The following WDR19 variants were observed in gnomAD, a reference collection of about 807,000 sequenced individuals.
WDR19 encodes WD repeat domain 19, also known as WD repeat-containing protein 19.
A neutral mutation model predicts 180.0 loss-of-function variants in WDR19; 121 were observed. The ratio of observed to expected loss-of-function variants is 0.67; its 90% CI spans 0.58 to 0.78. WDR19 has a LOEUF of 0.78. WDR19 is among the 30% of genes least tolerant of loss of function. The pLI, the probability that WDR19 is intolerant of heterozygous loss-of-function variation, is 0.00. For synonymous variants in WDR19, 497 were observed against 540.7 expected, an observed-to-expected ratio of 0.92 and a Z score of 1.12; for missense variants, 1,450 against 1,640.7, an observed-to-expected ratio of 0.88 and a Z score of 2.01.
chr4:39,262,577 C>T lies in WDR19; in HGVS notation c.3184-3486C>T, dbSNP rs780740904. On this transcript the variant is annotated intron_variant, in intron 28 of 36. Transcript: ENST00000399820. ...CTTTTATTTGAATAGTTCAGGGCTC[C>T]GCTTCCTTCGTTCCTTCACTCTTGC... Among the ~76,000 whole-genome samples, 118 of 152,108 alleles carry T rather than the reference C, an allele frequency of 7.8e-4. 1 individual carries two copies. Among genetic ancestry groups the T allele is most frequent in the Middle Eastern group, 3.4e-3 (1 of 292 alleles).
At chr4:39,217,110 G>A in intron 12 of WDR19, 24 bp from the exon 13 acceptor site, 1 of 1,532,314 alleles carries the variant, frequency 6.5e-7, no homozygotes. Flanking sequence ...ATTTTAATGT[G>A]TTGGTTTTTA....
chr4:39,280,086 A>G (rs1200998736), intron 36 of WDR19, among the ~76,000 whole-genome samples: 2 of 134,134 alleles, frequency 1.5e-5, no homozygotes, highest in Non-Finnish European at 3.3e-5. Flanking sequence ...ATGATTTGGA[A>G]GTATTTTTTT....
intron 26 of WDR19, among the ~76,000 whole-genome samples, chr4:39,254,455 T>C (rs1015300889): frequency 6.6e-6 from 1 of 152,176 alleles, no homozygotes; most frequent in African/African-American, 2.4e-5. Flanking sequence ...ATACACAAGA[T>C]GTGTTTTTCA....
intron 27 of WDR19, among the ~76,000 whole-genome samples, chr4:39,256,257 T>G (rs1733751452): frequency 6.6e-6 from 1 of 152,252 alleles, no homozygotes; most frequent in African/African-American, 2.4e-5. Context: ...GTTTTTAGTT[T>G]GTCCGCCTTT....
At chr4:39,280,119 GTTTTTTTT>G (rs551041321) in intron 36 of WDR19, among the ~76,000 whole-genome samples, 4 of 53,974 alleles carry the variant, frequency 7.4e-5, no homozygotes, top group Non-Finnish European at 1.1e-4. Context: ...CCCTTTTCTT[GTTTTTTTT>G]TTTTTTTTTT....
intron 28 of WDR19, 139 bp downstream of exon 28, chr4:39,257,693 C>T (rs1733897654): frequency 1.4e-6 from 1 of 726,750 alleles, no homozygotes; most frequent in Admixed American, 3.0e-5. Context: ...CAACAGCTGT[C>T]AATACATAGA....
At chr4:39,270,959 A>G (rs1041976789) in intron 31 of WDR19, among the ~76,000 whole-genome samples, 1 of 141,988 alleles carries the variant, frequency 7.0e-6, no homozygotes, top group Non-Finnish European at 1.5e-5. Flanking sequence ...CAGTGGCCCG[A>G]TCTTGGCTCA....
At chr4:39,188,893 G>A (rs1012054830) in intron 3 of WDR19, among the ~76,000 whole-genome samples, 2 of 151,720 alleles carry the variant, frequency 1.3e-5, no homozygotes, top group Non-Finnish European at 1.5e-5. Context: ...TGAGTAGCAT[G>A]TGCATGCCAC....
At chr4:39,269,228 G>A (rs965434496) in intron 30 of WDR19, among the ~76,000 whole-genome samples, 6 of 152,174 alleles carry the variant, frequency 3.9e-5, no homozygotes, top group African/African-American at 7.2e-5. Flanking sequence ...CGTGAGTGGC[G>A]CCATTGGAGG....
chr4:39,278,158 A>G lies in WDR19; in HGVS notation c.3868A>G (p.Thr1290Ala). The part of the protein sequence containing the change: ...TGRHMLKDDW[T>A]VCPHCDFPAL... The stretch of plus-strand genomic sequence containing the variant: ...TCGACACATGTTGAAAGATGACTGG[A>G]CGGTGTGTCCACATTGTGACTTCCC... The change falls in exon 35 of 37, where the codon ACG (threonine) becomes GCG (alanine). Residue 1290 changes from threonine (T) to alanine (A), a missense_variant. Transcript: ENST00000399820. 6.2e-7 allele frequency: 1 copy of G among 1,607,378 alleles called. No homozygotes were observed. Among genetic ancestry groups the G allele is most frequent in the Non-Finnish European group, 8.5e-7 (1 of 1,176,884 alleles).
At chr4:39,246,368 G>T (rs559041651) in intron 24 of WDR19, among the ~76,000 whole-genome samples, 1 of 152,066 alleles carries the variant, frequency 6.6e-6, no homozygotes, top group Non-Finnish European at 1.5e-5. Context: ...AAAAAATTTG[G>T]GGGGTGGAGC....
chr4:39,222,751 A>G (rs1180650489), intron 14 of WDR19, among the ~76,000 whole-genome samples: 1 of 152,204 alleles, frequency 6.6e-6, no homozygotes, highest in African/African-American at 2.4e-5. Flanking sequence ...ATTCACATGC[A>G]GTTGTAAGAA....
chr4:39,275,015 A>T (rs1735764572), intron 33 of WDR19, 57 bp downstream of exon 33: 2 of 1,588,254 alleles, frequency 1.3e-6, no homozygotes, highest in Non-Finnish European at 1.7e-6. Context: ...TATTTCCAAA[A>T]ATGTAGCTGC....
At chr4:39,233,010 A>G (rs1312693912) in intron 19 of WDR19, among the ~76,000 whole-genome samples, 2 of 152,164 alleles carry the variant, frequency 1.3e-5, no homozygotes, top group Admixed American at 6.5e-5. Context: ...AAATATCACC[A>G]TATATTGAGT....
At chr4:39,284,272 A>ATAAT (rs578005556) in intron 36 of WDR19, among the ~76,000 whole-genome samples, 68 of 150,432 alleles carry the variant, frequency 4.5e-4, no homozygotes, top group African/African-American at 1.6e-3. Flanking sequence ...TTCATATTGG[A>ATAAT]TAATTAGTTT....
intron 5 of WDR19, among the ~76,000 whole-genome samples, chr4:39,198,947 A>C (rs1727077769): frequency 1.3e-5 from 2 of 151,848 alleles, no homozygotes; most frequent in East Asian, 3.9e-4. Flanking sequence ...GCAATGAGCC[A>C]AGATCACGCC....
chr4:39,246,428 G>A (rs564490186), intron 24 of WDR19, among the ~76,000 whole-genome samples: 6 of 152,216 alleles, frequency 3.9e-5, no homozygotes, highest in South Asian at 2.1e-4. Context: ...CAGCATGAGC[G>A]ACGCAGAAGA....
At chr4:39,212,262 G>A (rs1006733774) in intron 9 of WDR19, among the ~76,000 whole-genome samples, 7 of 151,960 alleles carry the variant, frequency 4.6e-5, no homozygotes, top group African/African-American at 1.7e-4. Context: ...TGGTACTGGG[G>A]CAATTAGACA....
At chr4:39,242,166 G>A (rs942512472) in intron 21 of WDR19, among the ~76,000 whole-genome samples, 1 of 152,122 alleles carries the variant, frequency 6.6e-6, no homozygotes, top group Non-Finnish European at 1.5e-5. Context: ...CTGGGCTCAA[G>A]TGATCCTCCT....
Sources: allele counts gnomAD v4.1 joint callset (sites outside exome capture counted in the v4.1 genomes callset), GRCh38; gene constraint gnomAD v4.1.1; transcripts MANE v1.5; gene names NCBI Gene and HGNC (gene_info 2026-07-23, HGNC 2026-07-21).